SKA2: variants seen among roughly 807,000 people sequenced by gnomAD.
SKA2 encodes spindle and kinetochore-associated protein 2.
Under a neutral mutation model 16.9 loss-of-function variants are expected in SKA2, and 13 were observed. The observed-to-expected ratio is 0.77, with a 90% CI of 0.50 to 1.22. The LOEUF (loss-of-function observed/expected upper bound fraction) is 1.22, where lower values mean the gene tolerates loss of function less well. Ranked by LOEUF, SKA2 falls within the 50% of genes most tolerant of loss-of-function variation. The pLI is 0.00. For missense variants in SKA2, 107 were observed against 139.7 expected, an observed-to-expected ratio of 0.77 and a Z score of 1.18; for synonymous variants, 47 against 48.5, an observed-to-expected ratio of 0.97 and a Z score of 0.13.
intron 1 of SKA2, chr17:59,137,928 CATT>C (rs1208755830): frequency 2.3e-6 from 1 of 442,952 alleles, no homozygotes; most frequent in Non-Finnish European, 4.6e-6. Flanking sequence ...ATCTAAAACT[CATT>C]AGTGTCTGAT....
In SKA2 at chr17:59,110,264, G is replaced by A. The variant is rs879355403; in HGVS notation, c.*2013C>T. On this transcript the variant is annotated 3_prime_UTR_variant, in exon 4 of 4. Coordinates refer to ENST00000330137, the MANE Select transcript of SKA2 (RefSeq NM_182620.4). ...AAACAACATTTGGAAGATAACTGAA[G>A]GAAATCATAGAGGAAAAATAGTACA... 2 of 152,072 alleles carry A rather than the reference G, an allele frequency of 1.3e-5. No individual in the cohort carries two copies. The highest frequency in any genetic ancestry group is 1.3e-4 in the Admixed American group (2 of 15,258). The allele number at this position is 152,072 out of a possible 1,614,324, so 9.4% of individuals were successfully genotyped here.
intron 1 of SKA2, among the ~76,000 whole-genome samples, chr17:59,140,777 ATTT>A (rs34547204): frequency 7.7e-6 from 1 of 129,942 alleles, no homozygotes; most frequent in African/African-American, 2.9e-5. Context: ...CACCCGCCTA[ATTT>A]TTTTTTTTTT....
intron 1 of SKA2, among the ~76,000 whole-genome samples, chr17:59,153,179 G>T (rs746117766): frequency 6.6e-6 from 1 of 152,128 alleles, no homozygotes; most frequent in Non-Finnish European, 1.5e-5. Context: ...GTTAAAAGCA[G>T]AATTAGCATC....
At chr17:59,112,459 T>C (rs2046269751) in intron 3 of SKA2, 114 bp from the exon 4 acceptor site, 6 of 710,576 alleles carry the variant, frequency 8.4e-6, no homozygotes, top group East Asian at 8.4e-5. Flanking sequence ...ATACTATGTA[T>C]GTAATCACAG....
chr17:59,117,780 A>G (rs886398817), intron 3 of SKA2: 11 of 152,010 alleles, frequency 7.2e-5, no homozygotes, highest in African/African-American at 2.7e-4. Context: ...AACATTTCCC[A>G]ATTTGGTCAT....
intron 1 of SKA2, among the ~76,000 whole-genome samples, chr17:59,140,785 T>C (rs547988270): frequency 6.7e-6 from 1 of 149,892 alleles, no homozygotes; most frequent in Admixed American, 6.7e-5. Context: ...TAATTTTTTT[T>C]TTTTTTTTTG....
At position 59,124,750 on chromosome 17, in the gene SKA2, C is replaced by G. The variant is rs192909453; in HGVS notation, c.121-5255G>C. Among the ~76,000 whole-genome samples, 44 of 152,232 alleles carry G rather than the reference C, an allele frequency of 2.9e-4. 1 individual carries two copies. In the East Asian group the frequency reaches 8.1e-3, roughly 28 times the overall value. On this transcript the variant is annotated intron_variant, in intron 2 of 3. Transcript: ENST00000330137. The stretch of plus-strand genomic sequence containing the variant: ...ATGGCCATAGAGCTAAAAGAGAGGA[C>G]AGGGTAGTTGGGCAGCTACCCATAA...
intron 1 of SKA2, chr17:59,151,070 T>TTG: frequency 2.1e-6 from 1 of 466,590 alleles, no homozygotes; most frequent in South Asian, 1.6e-5. Flanking sequence ...GCAACAAAGG[T>TTG]TGTGGTAAAT....
At chr17:59,123,484 G>A (rs1458894559) in intron 2 of SKA2, among the ~76,000 whole-genome samples, 2 of 151,560 alleles carry the variant, frequency 1.3e-5, no homozygotes, top group East Asian at 3.9e-4. Flanking sequence ...TTGAACCTGG[G>A]AGGCGGAGGT....
rs1317525708 is a variant in SKA2 at position 59,138,403 on chromosome 17, T to C, written c.34-7036A>G. Among the ~76,000 whole-genome samples, 4 of 151,756 alleles carry C rather than the reference T, an allele frequency of 2.6e-5. No homozygotes were observed. In the East Asian group the frequency reaches 5.9e-4, roughly 22 times the overall value. ...TGGAGCATTTCAGATTTTGGAATTT[T>C]GGATTAGGGATGCTCAACCAGTTGT... On this transcript the variant is annotated intron_variant, in intron 1 of 3. Transcript: ENST00000330137.
intron 1 of SKA2, among the ~76,000 whole-genome samples, chr17:59,139,087 TACTA>T (rs2046467527): frequency 6.6e-6 from 1 of 152,100 alleles, no homozygotes; most frequent in Non-Finnish European, 1.5e-5. Context: ...GTTCTGGACT[TACTA>T]AACAGGCTTA....
At chr17:59,115,457 C>T (rs1012931232) in intron 3 of SKA2, among the ~76,000 whole-genome samples, 1 of 152,154 alleles carries the variant, frequency 6.6e-6, no homozygotes, top group Admixed American at 6.5e-5. Context: ...CAGCTGGTTC[C>T]ACTGATCAAC....
At chr17:59,144,731 G>A (rs753240222) in intron 1 of SKA2, among the ~76,000 whole-genome samples, 1 of 152,180 alleles carries the variant, frequency 6.6e-6, no homozygotes, top group Non-Finnish European at 1.5e-5. Context: ...AAATCATAGA[G>A]ACAGATAGTA....
In SKA2 at chr17:59,132,309, T is replaced by C. The variant is rs149313306; in HGVS notation, c.34-942A>G. Among the ~76,000 whole-genome samples, 288 of 151,548 alleles carry C rather than the reference T, an allele frequency of 1.9e-3. 3 individuals are homozygous for C. Among genetic ancestry groups the C allele is most frequent in the African/African-American group, 6.4e-3 (266 of 41,308 alleles). On this transcript the variant is annotated intron_variant, in intron 1 of 3. Transcript: ENST00000330137. ...AGGTGGAGGCTGCAGTAAGCCAAGA[T>C]TGCACCATTGCACTCCAGCCTGGGC...
chr17:59,132,454 G>T (rs940965760), intron 1 of SKA2, among the ~76,000 whole-genome samples: 1 of 152,080 alleles, frequency 6.6e-6, no homozygotes, highest in Non-Finnish European at 1.5e-5. Flanking sequence ...ACTTCAGCCC[G>T]GGAATTCAAG....
At chr17:59,135,756 A>G (rs1225606454) in intron 1 of SKA2, among the ~76,000 whole-genome samples, 1 of 149,222 alleles carries the variant, frequency 6.7e-6, no homozygotes, top group Non-Finnish European at 1.5e-5. Flanking sequence ...TAAAAAATAT[A>G]TTTTTAAAAT....
intron 1 of SKA2, among the ~76,000 whole-genome samples, chr17:59,141,564 T>C (rs906962915): frequency 3.3e-5 from 5 of 151,402 alleles, no homozygotes; most frequent in African/African-American, 1.2e-4. Context: ...AAACCTCATC[T>C]CTACAAAAAA....
In SKA2 at chr17:59,118,917, C is replaced by T. The variant is rs2046314352; in HGVS notation, c.297+402G>A. Among the ~76,000 whole-genome samples, 3 of 151,994 alleles carry T rather than the reference C, an allele frequency of 2.0e-5. 1 individual carries two copies. The South Asian group carries it at 6.2e-4, about 31-fold the overall frequency. On this transcript the variant is annotated intron_variant, in intron 3 of 3. Coordinates refer to ENST00000330137, the MANE Select transcript of SKA2 (RefSeq NM_182620.4). Reference sequence around the variant, plus strand: ...TGGCAAATAAATATCACATATGCAGCCCTTCCTCCTTCCCATGCTCGTGGC... The same window carrying T: ...TGGCAAATAAATATCACATATGCAGTCCTTCCTCCTTCCCATGCTCGTGGC...
intron 1 of SKA2, among the ~76,000 whole-genome samples, chr17:59,134,904 G>C (rs934741288): frequency 6.6e-6 from 1 of 151,674 alleles, no homozygotes; most frequent in East Asian, 1.9e-4. Context: ...GCAACAACTC[G>C]GCTCACTACA....
Sources: gnomAD v4.1 joint callset for allele counts (sites outside exome capture counted in the v4.1 genomes callset) on GRCh38, gnomAD v4.1.1 for gene constraint, MANE v1.5 for transcripts, NCBI Gene and HGNC (gene_info 2026-07-23, HGNC 2026-07-21) for gene names.